The following PDLIM1 variants were observed in gnomAD, a reference collection of about 807,000 sequenced individuals.
PDLIM1 encodes the protein PDZ and LIM domain 1, also known as PDZ and LIM domain protein 1.
A neutral mutation model predicts 35.2 loss-of-function variants in PDLIM1; 25 were observed. That is an observed-to-expected ratio of 0.71 (90% CI 0.52 to 0.99). The LOEUF is 0.99. PDLIM1 is among the 50% of genes least tolerant of loss of function. The pLI is 0.00. For synonymous variants in PDLIM1, 152 were observed against 154.0 expected (o/e 0.99, Z 0.10); for missense variants, 363 against 415.3 (o/e 0.87, Z 1.09).
chr10:95,290,734 G>T lies in PDLIM1; in HGVS notation c.96+86C>A. 1.1e-6 allele frequency: 1 copy of T among 915,514 alleles called. No individual in the cohort carries two copies. The highest frequency in any genetic ancestry group is 2.0e-5 in the South Asian group (1 of 49,394). The allele number at this position is 915,514 out of a possible 1,614,324, so 56.7% of individuals were successfully genotyped here. A position where few individuals can be genotyped will look rare whatever the true frequency, so the allele number is the denominator to read the frequency against. Reference sequence around the variant, plus strand: ...CGCGCCCGGCTGCGGTTCCGACTCCGTCCCCGACCGCGCCCGCGGGGCCCC... The same window carrying T: ...CGCGCCCGGCTGCGGTTCCGACTCCTTCCCCGACCGCGCCCGCGGGGCCCC... On this transcript the variant is annotated intron_variant, in intron 1 of 6. Coordinates refer to ENST00000329399, the MANE Select transcript of PDLIM1 (RefSeq NM_020992.4). This position sits in a 1 kb window ranked among gnomAD's most constrained non-coding sequence, Gnocchi z 4.7.
chr10:95,263,776 G>T, intron 4 of PDLIM1, 88 bp downstream of exon 4: 1 of 921,332 alleles, frequency 1.1e-6, no homozygotes, highest in Non-Finnish European at 1.7e-6. Flanking sequence ...CTGGAGTAGT[G>T]GCTCTTGCAC....
chr10:95,290,643 G>GA lies in PDLIM1; in HGVS notation c.96+176dup, dbSNP rs1441188795. ...ACCAGCCCGGGAGCGCAGCCTCCGC[G>GA]AAGGGGCGGCGGGGAGCGGCGGGGC... On this transcript the variant is annotated intron_variant, in intron 1 of 6. Transcript: ENST00000329399. The surrounding 1 kb of genome is among the most constrained non-coding windows in gnomAD (Gnocchi z 4.7). 6.6e-6 allele frequency among the ~76,000 whole-genome samples: 1 copy of GA among 151,910 alleles called. No homozygotes were observed. Among genetic ancestry groups the GA allele is most frequent in the African/African-American group, 2.4e-5 (1 of 41,400 alleles).
At chr10:95,245,788 G>A (rs776905421) in intron 5 of PDLIM1, among the ~76,000 whole-genome samples, 68 of 152,286 alleles carry the variant, frequency 4.5e-4, no homozygotes, top group Middle Eastern at 6.8e-3. Flanking sequence ...ATTTCCTATG[G>A]TTGTAAACTG....
In PDLIM1 at chr10:95,238,608, G is replaced by C. The variant is rs371469888; in HGVS notation, c.763C>G (p.Gln255Glu). Residue 255 changes from glutamine to glutamate, a missense_variant, in exon 6 of 7, where the codon CAG (glutamine) becomes GAG (glutamate). Transcript: ENST00000329399. ...TKVAASIGNAQKLPMCDKCGT... is the reference protein window; with the variant it reads ...TKVAASIGNAEKLPMCDKCGT... ...CATTTGTCACACATAGGCAACTTCT[G>C]AGCATTTCCAATCGACGCAGCCACT... The C allele has an allele frequency of 1.9e-6, 3 of 1,613,662 alleles. No homozygotes were observed. In the African/African-American group the frequency reaches 4.0e-5, roughly 22 times the overall value.
At chr10:95,273,240 C>G (rs2035480225) in intron 1 of PDLIM1, 1 of 152,150 alleles carries the variant, frequency 6.6e-6, no homozygotes, top group Non-Finnish European at 1.5e-5. Context: ...GCTCTGGCCA[C>G]CCTTTGGAGA....
Position 95,287,973 on chromosome 10 carries a change from T to C in PDLIM1, c.96+2847A>G, listed in dbSNP as rs2035616915. 2.0e-5 allele frequency among the ~76,000 whole-genome samples: 3 copies of C among 151,968 alleles called. No homozygotes were observed. The South Asian group carries it at 6.2e-4, about 32-fold the overall frequency. Reference sequence around the variant, plus strand: ...TTCAGAAACAGGCAAAATTAAGCTATGGTATTTGGGATACCTAATTTAGGT... The same window carrying C: ...TTCAGAAACAGGCAAAATTAAGCTACGGTATTTGGGATACCTAATTTAGGT... On this transcript the variant is annotated intron_variant, in intron 1 of 6. Transcript: ENST00000329399.
At chr10:95,262,143 G>A (rs2035369527) in intron 4 of PDLIM1, among the ~76,000 whole-genome samples, 1 of 152,134 alleles carries the variant, frequency 6.6e-6, no homozygotes, top group South Asian at 2.1e-4. Context: ...TATATGCAAG[G>A]AATGCCCAAG....
chr10:95,247,104 C>G (rs1564598218), intron 5 of PDLIM1, 111 bp downstream of exon 5: 1 of 882,060 alleles, frequency 1.1e-6, no homozygotes, highest in African/African-American at 1.7e-5. Context: ...ATTTTAAAAG[C>G]CCATGCCCTC....
chr10:95,274,486 G>T (rs912370046), intron 1 of PDLIM1, among the ~76,000 whole-genome samples: 9 of 151,548 alleles, frequency 5.9e-5, no homozygotes, highest in African/African-American at 1.9e-4. Context: ...AAGAGATGGG[G>T]TTTTTTCACC....
At chr10:95,265,337 G>A (rs1429442287) in intron 3 of PDLIM1, among the ~76,000 whole-genome samples, 1 of 152,204 alleles carries the variant, frequency 6.6e-6, no homozygotes, top group Admixed American at 6.5e-5. Flanking sequence ...GCTCACGCCT[G>A]TAATCCCAGC....
At chr10:95,253,966 T>C (rs1219854105) in intron 4 of PDLIM1, among the ~76,000 whole-genome samples, 1 of 152,022 alleles carries the variant, frequency 6.6e-6, no homozygotes, top group Non-Finnish European at 1.5e-5. Flanking sequence ...CCCAGATAAC[T>C]ACTGAAAAGG....
intron 5 of PDLIM1, among the ~76,000 whole-genome samples, chr10:95,241,637 G>T (rs150398807): frequency 1.3e-5 from 2 of 152,290 alleles, no homozygotes; most frequent in Non-Finnish European, 2.9e-5. Flanking sequence ...CCCTGCTCTC[G>T]ATGGAGTAGA....
chr10:95,271,020 G>A (rs1241607273), intron 2 of PDLIM1, among the ~76,000 whole-genome samples: 1 of 151,660 alleles, frequency 6.6e-6, no homozygotes, highest in Non-Finnish European at 1.5e-5. Context: ...CAAAGTGCTG[G>A]GATTACAAAG....
At chr10:95,246,521 C>CA (rs1175820064) in intron 5 of PDLIM1, among the ~76,000 whole-genome samples, 3 of 152,190 alleles carry the variant, frequency 2.0e-5, no homozygotes, top group Non-Finnish European at 4.4e-5. Flanking sequence ...CATGACATTT[C>CA]AAACACCACA....
chr10:95,244,648 C>T (rs1443739435), intron 5 of PDLIM1, among the ~76,000 whole-genome samples: 1 of 151,750 alleles, frequency 6.6e-6, no homozygotes, highest in African/African-American at 2.4e-5. Flanking sequence ...ATCTGTAATC[C>T]CAGCGCTTTG....
chr10:95,244,814 C>T (rs1382658508), intron 5 of PDLIM1, among the ~76,000 whole-genome samples: 1 of 152,072 alleles, frequency 6.6e-6, no homozygotes, highest in African/African-American at 2.4e-5. Flanking sequence ...GCAGGAGAAT[C>T]GCTGCAACCT....
intron 1 of PDLIM1, among the ~76,000 whole-genome samples, chr10:95,276,951 G>A (rs1364369037): frequency 4.3e-5 from 6 of 140,632 alleles, no homozygotes; most frequent in African/African-American, 1.1e-4. Context: ...GGTGGCTTAC[G>A]CCTGTAATCC....
intron 5 of PDLIM1, among the ~76,000 whole-genome samples, chr10:95,243,824 T>C (rs2035197459): frequency 6.6e-6 from 1 of 152,024 alleles, no homozygotes; most frequent in Non-Finnish European, 1.5e-5. Flanking sequence ...ACCCCGAGGA[T>C]ATTAAGCTAA....
intron 1 of PDLIM1, chr10:95,273,529 C>T (rs2035484632): frequency 6.6e-6 from 1 of 152,228 alleles, no homozygotes; most frequent in South Asian, 2.1e-4. Flanking sequence ...CTGGCCCGCA[C>T]ATGCTATGAC....
Sources: allele counts gnomAD v4.1 joint callset (sites outside exome capture counted in the v4.1 genomes callset), GRCh38; gene constraint gnomAD v4.1.1; non-coding constraint Gnocchi (gnomAD v3.1); transcripts MANE v1.5; gene names NCBI Gene and HGNC (gene_info 2026-07-23, HGNC 2026-07-21).